The following ZHX2 variants were observed in gnomAD, a reference collection of about 807,000 sequenced individuals.
The protein encoded by ZHX2 is zinc fingers and homeoboxes protein 2.
In ZHX2, 6 loss-of-function variants were observed where a neutral mutation model predicts 21.9. That is an observed-to-expected ratio of 0.27 (90% CI 0.15 to 0.54). The LOEUF is 0.54. ZHX2 is among the 20% of genes least tolerant of loss of function. ZHX2 has a pLI of 0.95. For missense variants in ZHX2, 908 were observed against 1,090.7 expected (o/e 0.83, Z 2.36); for synonymous variants, 434 against 437.1 (o/e 0.99, Z 0.09).
At position 122,973,556 on chromosome 8, in the gene ZHX2, A is replaced by G. The variant is rs150374486; in HGVS notation, c.*319A>G. On this transcript the variant is annotated 3_prime_UTR_variant, in exon 4 of 4. Coordinates refer to ENST00000314393, the MANE Select transcript of ZHX2 (RefSeq NM_014943.5). ...ATTTGTACAATGTGGGAATTTTGTT[A>G]CCTTTTTAATCAAGGGCAACTTCCT... The G allele has an allele frequency of 1.3e-5, 2 of 152,698 alleles. No individual in the cohort carries two copies. The highest frequency in any genetic ancestry group is 4.8e-5 in the African/African-American group (2 of 41,542). 9.5% of individuals were successfully genotyped at this position (152,698 alleles called of 1,614,324 possible). A position where few individuals can be genotyped will look rare whatever the true frequency, so the allele number is the denominator to read the frequency against.
At chr8:122,844,744 T>G (rs976676092) in intron 1 of ZHX2, among the ~76,000 whole-genome samples, 1 of 152,206 alleles carries the variant, frequency 6.6e-6, no homozygotes, top group Non-Finnish European at 1.5e-5. Context: ...TCTGTGTCTG[T>G]CTGTCTGTCT....
chr8:122,882,614 A>T (rs1819739105), intron 2 of ZHX2, among the ~76,000 whole-genome samples: 1 of 152,102 alleles, frequency 6.6e-6, no homozygotes, highest in Non-Finnish European at 1.5e-5. Flanking sequence ...ACCCCGCCTG[A>T]GTGGTCTGCT....
chr8:122,863,091 C>T (rs1819205644), intron 1 of ZHX2, among the ~76,000 whole-genome samples: 1 of 152,058 alleles, frequency 6.6e-6, no homozygotes. Context: ...TCCCCCTTCG[C>T]CCTCACCAAA....
chr8:122,826,902 A>G (rs1053500341), intron 1 of ZHX2, among the ~76,000 whole-genome samples: 2 of 152,224 alleles, frequency 1.3e-5, no homozygotes, highest in African/African-American at 4.8e-5. Flanking sequence ...TTATAAGTCC[A>G]TGGAAAAGAA....
intron 1 of ZHX2, among the ~76,000 whole-genome samples, chr8:122,800,135 C>T (rs1343007814): frequency 3.9e-5 from 6 of 152,216 alleles, no homozygotes; most frequent in Admixed American, 2.6e-4. Flanking sequence ...GGATTATAGG[C>T]GTGAGCCACC....
intron 1 of ZHX2, among the ~76,000 whole-genome samples, chr8:122,816,031 G>T (rs1443467630): frequency 7.2e-6 from 1 of 137,982 alleles, no homozygotes; most frequent in African/African-American, 2.7e-5. Context: ...AGTGAGCCAA[G>T]ATCACGCCAC....
At chr8:122,870,593 C>G (rs573885758) in intron 2 of ZHX2, among the ~76,000 whole-genome samples, 1 of 127,174 alleles carries the variant, frequency 7.9e-6, no homozygotes, top group Non-Finnish European at 1.6e-5. Flanking sequence ...GAGCCAAGAT[C>G]GTACCACTGC....
chr8:122,907,605 A>T (rs1586378310), intron 2 of ZHX2, among the ~76,000 whole-genome samples: 1 of 152,328 alleles, frequency 6.6e-6, no homozygotes, highest in Admixed American at 6.5e-5. Context: ...TCCCAGAGGT[A>T]TTGGACAAAT....
Position 122,937,225 on chromosome 8 carries a change from T to C in ZHX2, c.-219-14067T>C, listed in dbSNP as rs143454333. Among the ~76,000 whole-genome samples the C allele has an allele frequency of 3.3e-5, 5 of 152,262 alleles. No homozygotes were observed. The East Asian group carries it at 9.7e-4, about 29-fold the overall frequency. On this transcript the variant is annotated intron_variant, in intron 2 of 3. Transcript: ENST00000314393. ...AGCAATGAAGAATTAGGAGACCTCATGGAAGCAGAGTCAGGAAGGCCTGGG... is the reference window on the plus strand; with the variant it reads ...AGCAATGAAGAATTAGGAGACCTCACGGAAGCAGAGTCAGGAAGGCCTGGG...
chr8:122,851,679 G>T (rs1033723467), intron 1 of ZHX2, among the ~76,000 whole-genome samples: 4 of 152,228 alleles, frequency 2.6e-5, no homozygotes, highest in African/African-American at 7.2e-5. Context: ...CCAGGAACTG[G>T]CTTTGTATGC....
intron 3 of ZHX2, among the ~76,000 whole-genome samples, chr8:122,969,837 T>C (rs1426270704): frequency 6.6e-6 from 1 of 152,164 alleles, no homozygotes; most frequent in African/African-American, 2.4e-5. Context: ...TAGAGAAAGT[T>C]CTCCTGGGAA....
chr8:122,880,273 T>C (rs1819681032), intron 2 of ZHX2, among the ~76,000 whole-genome samples: 1 of 151,698 alleles, frequency 6.6e-6, no homozygotes, highest in Admixed American at 6.6e-5. Context: ...TGCACCCAGC[T>C]GTTATCTCAT....
At chr8:122,904,769 CACTCAT>C (rs967608149) in intron 2 of ZHX2, among the ~76,000 whole-genome samples, 7 of 152,144 alleles carry the variant, frequency 4.6e-5, no homozygotes, top group African/African-American at 1.4e-4. Context: ...TTTTCAAAAT[CACTCAT>C]ACCAAGAACA....
intron 2 of ZHX2, among the ~76,000 whole-genome samples, chr8:122,903,753 A>G (rs1820284812): frequency 6.6e-6 from 1 of 152,176 alleles, no homozygotes; most frequent in Non-Finnish European, 1.5e-5. Context: ...GACTAGAAAG[A>G]TGAAACTGGT....
In ZHX2 at chr8:122,953,683, G is replaced by A. The variant is rs1229326944; in HGVS notation, c.2173G>A (p.Asp725Asn). 1.2e-5 allele frequency: 20 copies of A among 1,614,246 alleles called. No homozygotes were observed. Among genetic ancestry groups the A allele is most frequent in the Non-Finnish European group, 1.7e-5 (20 of 1,180,056 alleles). ...GGCCGAGAGCCCAAAGAACGGGGGT[G>A]ATGTGGTTCCACAATATTACAAGGA... ...PMAESPKNGG[D>N]VVPQYYKDPK... is the part of the protein sequence containing the mutation. Residue 725 changes from aspartate to asparagine, a missense_variant, in exon 3 of 4, where the codon GAT (aspartate) becomes AAT (asparagine). Coordinates refer to ENST00000314393, the MANE Select transcript of ZHX2 (RefSeq NM_014943.5). The surrounding 1 kb of genome is among the most constrained non-coding windows in gnomAD (Gnocchi z 4.6).
chr8:122,922,854 A>C (rs1041707566), intron 2 of ZHX2, among the ~76,000 whole-genome samples: 2 of 151,516 alleles, frequency 1.3e-5, no homozygotes, highest in African/African-American at 4.9e-5. Flanking sequence ...CAGAGTGGCC[A>C]GCATAGAGCT....
At chr8:122,885,242 A>G (rs945646193) in intron 2 of ZHX2, among the ~76,000 whole-genome samples, 3 of 152,214 alleles carry the variant, frequency 2.0e-5, no homozygotes, top group African/African-American at 7.2e-5. Flanking sequence ...TGCAGTCAGG[A>G]GACAGGCCTG....
intron 1 of ZHX2, among the ~76,000 whole-genome samples, chr8:122,844,737 G>GTGTC (rs968166618): frequency 6.6e-6 from 1 of 152,020 alleles, no homozygotes; most frequent in Non-Finnish European, 1.5e-5. Flanking sequence ...CTCTCTCTCT[G>GTGTC]TGTCTGTCTG....
At chr8:122,868,039 G>A (rs1819339850) in intron 2 of ZHX2, among the ~76,000 whole-genome samples, 1 of 152,104 alleles carries the variant, frequency 6.6e-6, no homozygotes, top group South Asian at 2.1e-4. Context: ...AGCTCCAAGG[G>A]TCCTGACATG....
Sources: allele counts gnomAD v4.1 joint callset (sites outside exome capture counted in the v4.1 genomes callset), GRCh38; gene constraint gnomAD v4.1.1; non-coding constraint Gnocchi (gnomAD v3.1); transcripts MANE v1.5; gene names NCBI Gene and HGNC (gene_info 2026-07-23, HGNC 2026-07-21).